The following PPARGC1B variants were observed in gnomAD, a reference collection of about 807,000 sequenced individuals.
The protein encoded by PPARGC1B is PPARG coactivator 1 beta, also known as peroxisome proliferator-activated receptor gamma coactivator 1-beta.
Under a neutral mutation model 101.6 loss-of-function variants are expected in PPARGC1B, and 34 were observed. The observed-to-expected ratio is 0.33, with a 90% confidence interval of 0.25 to 0.45. The LOEUF (loss-of-function observed/expected upper bound fraction) is 0.45, where lower values mean the gene tolerates loss of function less well. Ranked by LOEUF, PPARGC1B falls within the 20% of genes least tolerant of loss-of-function variation. PPARGC1B has a pLI of 1.00. For synonymous variants in PPARGC1B, 548 were observed against 539.3 expected (o/e 1.02, Z -0.22); for missense variants, 1,234 against 1,317.6 (o/e 0.94, Z 0.98).
intron 1 of PPARGC1B, among the ~76,000 whole-genome samples, chr5:149,812,404 A>G (rs1330666071): frequency 2.0e-5 from 3 of 152,136 alleles, no homozygotes; most frequent in African/African-American, 7.2e-5. Context: ...GGTGATTTGT[A>G]TTAATTTGGA....
At chr5:149,780,063 A>G (rs544434588) in intron 1 of PPARGC1B, among the ~76,000 whole-genome samples, 19 of 152,194 alleles carry the variant, frequency 1.2e-4, no homozygotes, top group African/African-American at 4.3e-4. Flanking sequence ...CACCTAGGGG[A>G]GTGTAAGGAG....
rs1159673502 is a variant in PPARGC1B at position 149,851,438 on chromosome 5, G to A, written c.*3880G>A. On this transcript the variant is annotated 3_prime_UTR_variant, in exon 12 of 12. Coordinates refer to ENST00000309241, the MANE Select transcript of PPARGC1B (RefSeq NM_133263.4). ...CTGTGAAGCAAAATCAGCCCCAGAGGATGTATTGATCTGACTCACTGATGT... is the reference window on the plus strand; with the variant it reads ...CTGTGAAGCAAAATCAGCCCCAGAGAATGTATTGATCTGACTCACTGATGT... 6.6e-6 allele frequency: 1 copy of A among 152,212 alleles called. No homozygotes were observed. The highest frequency in any genetic ancestry group is 1.5e-5 in the Non-Finnish European group (1 of 68,038). The allele number at this position is 152,212 out of a possible 1,614,324, so 9.4% of individuals were successfully genotyped here.
intron 1 of PPARGC1B, 142 bp from the exon 2 acceptor site, chr5:149,820,291 C>A: frequency 1.3e-6 from 1 of 751,282 alleles, no homozygotes; most frequent in Non-Finnish European, 2.2e-6. Flanking sequence ...AGGGGTGAAG[C>A]TGATCTTTCC....
chr5:149,842,629 C>T (rs527417604), intron 10 of PPARGC1B, among the ~76,000 whole-genome samples: 3 of 152,366 alleles, frequency 2.0e-5, no homozygotes, highest in South Asian at 2.1e-4. Flanking sequence ...CTTCCCAGCA[C>T]GCCAGGGACA....
chr5:149,772,185 G>T (rs549707606), intron 1 of PPARGC1B: 15 of 1,606,310 alleles, frequency 9.3e-6, no homozygotes, highest in Non-Finnish European at 1.1e-5. Flanking sequence ...GGTGGTGAAG[G>T]CTTTTTCTGT....
intron 1 of PPARGC1B, among the ~76,000 whole-genome samples, chr5:149,803,576 C>T (rs1757500751): frequency 1.3e-5 from 2 of 152,270 alleles, no homozygotes; most frequent in South Asian, 2.1e-4. Context: ...TGAGAGAGTT[C>T]CTCGCCTCCT....
At position 149,833,538 on chromosome 5, in the gene PPARGC1B, T is replaced by C. The variant is rs1758908788; in HGVS notation, c.1465T>C (p.Trp489Arg). ...GAGACTGAACCCTGAGCTGGGCCCC[T>C]GGCTGACATTTGCAGATGAGCCGCT... ...SRRLNPELGP[W>R]LTFADEPLVP... The change falls in exon 5 of 12, where the codon TGG (tryptophan) becomes CGG (arginine). Residue 489 changes from tryptophan to arginine, a missense_variant. This residue lies in a region of PPARGC1B where 734 missense variants were observed against 768.4 expected (regional missense o/e 0.96). Coordinates refer to ENST00000309241, the MANE Select transcript of PPARGC1B (RefSeq NM_133263.4). The surrounding 1 kb of genome is among the most constrained non-coding windows in gnomAD (Gnocchi z 4.1). 1.3e-6 allele frequency: 2 copies of C among 1,575,978 alleles called. No homozygotes were observed. The highest frequency in any genetic ancestry group is 1.4e-5 in the African/African-American group (1 of 74,022).
chr5:149,773,895 C>T (rs1438074687), intron 1 of PPARGC1B, among the ~76,000 whole-genome samples: 1 of 152,118 alleles, frequency 6.6e-6, no homozygotes, highest in Non-Finnish European at 1.5e-5. Flanking sequence ...CGGGGCTCAG[C>T]CTGCCCCACC....
chr5:149,784,217 C>CT (rs1188653467), intron 1 of PPARGC1B, among the ~76,000 whole-genome samples: 1 of 152,100 alleles, frequency 6.6e-6, no homozygotes, highest in Non-Finnish European at 1.5e-5. Flanking sequence ...CTGGGAGTCA[C>CT]TGAGTCTTGC....
At chr5:149,857,683 C>A (rs182008777), downstream of PPARGC1B, among the ~76,000 whole-genome samples, 32 of 152,344 alleles carry the variant, frequency 2.1e-4, no homozygotes, top group Non-Finnish European at 4.7e-4. Flanking sequence ...CCAGATTGAT[C>A]TACTGTGGAG....
At chr5:149,820,364 T>C in intron 1 of PPARGC1B, 69 bp from the exon 2 acceptor site, 1 of 1,461,974 alleles carries the variant, frequency 6.8e-7, no homozygotes. Flanking sequence ...GCATCATTAT[T>C]GAGAGGGCCC....
At chr5:149,741,508 G>A (rs1385313370) in intron 1 of PPARGC1B, among the ~76,000 whole-genome samples, 3 of 152,158 alleles carry the variant, frequency 2.0e-5, no homozygotes, top group Non-Finnish European at 2.9e-5. Flanking sequence ...CAGACTACTG[G>A]GTATGGGATT....
At chr5:149,748,457 G>A (rs558685450) in intron 1 of PPARGC1B, among the ~76,000 whole-genome samples, 29 of 152,244 alleles carry the variant, frequency 1.9e-4, no homozygotes, top group African/African-American at 6.7e-4. Flanking sequence ...ATGGTTTGGT[G>A]ACAGTTTAGT....
Position 149,833,496 on chromosome 5 carries a change from C to T in PPARGC1B, c.1423C>T (p.Pro475Ser). 1 of 1,564,592 alleles carries T rather than the reference C, an allele frequency of 6.4e-7. No homozygotes were observed. Reference sequence around the variant, plus strand: ...GAGGAAGCTGGAGAGCTCTGTGTGCCCCGTGCGGCGTTCTCGGAGACTGAA... The same window carrying T: ...GAGGAAGCTGGAGAGCTCTGTGTGCTCCGTGCGGCGTTCTCGGAGACTGAA... Reference protein sequence around the residue: ...LGRKLESSVCPVRRSRRLNPE... With the variant: ...LGRKLESSVCSVRRSRRLNPE... The change falls in exon 5 of 12, where the codon CCC becomes TCC. Residue 475 changes from proline (P) to serine (S), a missense_variant. By Grantham distance (74) the Pro-to-Ser change is moderately conservative. Transcript: ENST00000309241. The surrounding 1 kb of genome is among the most constrained non-coding windows in gnomAD (Gnocchi z 4.1).
chr5:149,771,066 C>G (rs1756111603), intron 1 of PPARGC1B, among the ~76,000 whole-genome samples: 1 of 152,064 alleles, frequency 6.6e-6, no homozygotes, highest in African/African-American at 2.4e-5. Flanking sequence ...TGTTCTAGAA[C>G]CTTGAAGGAA....
chr5:149,829,115 C>T (rs1304104093), intron 3 of PPARGC1B, among the ~76,000 whole-genome samples: 1 of 152,088 alleles, frequency 6.6e-6, no homozygotes. Context: ...CAGGTTGGGC[C>T]ATGGATCCCA....
At chr5:149,743,737 C>G (rs1238751854) in intron 1 of PPARGC1B, among the ~76,000 whole-genome samples, 2 of 152,186 alleles carry the variant, frequency 1.3e-5, no homozygotes, top group African/African-American at 4.8e-5. Context: ...AAGGAGTCAC[C>G]TGCCCTTGTC....
At chr5:149,755,709 T>C (rs1478149534) in intron 1 of PPARGC1B, among the ~76,000 whole-genome samples, 2 of 151,446 alleles carry the variant, frequency 1.3e-5, no homozygotes, top group Admixed American at 1.3e-4. Context: ...AATGGCGCGA[T>C]CTTGGCTCAC....
rs1759622923 is a variant in PPARGC1B, at chr5:149,847,680, G to A, written c.*122G>A. On this transcript the variant is annotated 3_prime_UTR_variant, in exon 12 of 12. Coordinates refer to ENST00000309241, the MANE Select transcript of PPARGC1B (RefSeq NM_133263.4). ...AGCGAGCGTGAGAGAACACCCGTGA[G>A]AGAGACTTGAAACTGCTGTCCTTTA... The A allele has an allele frequency of 2.9e-6, 2 of 697,210 alleles. No homozygotes were observed. The highest frequency in any genetic ancestry group is 5.0e-6 in the Non-Finnish European group (2 of 403,968). The allele number at this position is 697,210 out of a possible 1,614,324, so 43.2% of individuals were successfully genotyped here.
Sources: gnomAD v4.1 joint callset for allele counts (sites outside exome capture counted in the v4.1 genomes callset) on GRCh38, gnomAD v4.1.1 for gene constraint, gnomAD v4.1.1 regional missense constraint, Gnocchi (gnomAD v3.1) non-coding constraint, MANE v1.5 for transcripts, NCBI Gene and HGNC (gene_info 2026-07-23, HGNC 2026-07-21) for gene names.